Variants in PCDHGA4 observed in about 807,000 individuals in gnomAD.
PCDHGA4 encodes the protein protocadherin gamma-A4.
A neutral mutation model predicts 54.6 loss-of-function variants in PCDHGA4; 38 were observed. That is an observed-to-expected ratio of 0.70 (90% confidence interval 0.54 to 0.91). The LOEUF (loss-of-function observed/expected upper bound fraction) is 0.91, where lower values mean the gene tolerates loss of function less well. PCDHGA4 is among the 40% of genes least tolerant of loss of function. The pLI is 0.00. For missense variants in PCDHGA4, 1,298 were observed against 1,220.9 expected, an observed-to-expected ratio of 1.06 and a Z score of -0.94; for synonymous variants, 511 against 512.9, an observed-to-expected ratio of 1.00 and a Z score of 0.05.
Position 141,490,920 on chromosome 5 carries a change from T to A in PCDHGA4, c.2515-3887T>A. 1.2e-6 allele frequency: 2 copies of A among 1,613,638 alleles called. No homozygotes were observed. The highest frequency in any genetic ancestry group is 1.7e-6 in the Non-Finnish European group (2 of 1,179,684). The stretch of plus-strand genomic sequence containing the variant: ...TGTTTGTCCTAGACGAGAATGATAA[T>A]GCCCCAGCTGTGCTGCACCCACGGC... On this transcript the variant is annotated intron_variant, in intron 1 of 3. Coordinates refer to ENST00000571252, the MANE Select transcript of PCDHGA4 (RefSeq NM_018917.4). This position sits in a 1 kb window ranked among gnomAD's most constrained non-coding sequence, Gnocchi z 5.4.
chr5:141,375,630 C>T (rs1162494057), intron 1 of PCDHGA4: 2 of 1,614,246 alleles, frequency 1.2e-6, no homozygotes, highest in Non-Finnish European at 1.7e-6. Flanking sequence ...ATTCTGTACG[C>T]CCTGCGCTCC....
chr5:141,433,159 T>C, intron 1 of PCDHGA4: 2 of 1,613,968 alleles, frequency 1.2e-6, no homozygotes, highest in Non-Finnish European at 1.7e-6. Flanking sequence ...CGGTATTTTC[T>C]AAAGACAGTC....
chr5:141,438,344 C>A (rs1591501799), intron 1 of PCDHGA4, among the ~76,000 whole-genome samples: 1 of 151,664 alleles, frequency 6.6e-6, no homozygotes, highest in African/African-American at 2.4e-5. Flanking sequence ...ATATAAGGAT[C>A]TACTCTGTGT....
Position 141,432,149 on chromosome 5 carries a change from A to G in PCDHGA4, c.2515-62658A>G. The G allele has an allele frequency of 6.2e-7, 1 of 1,613,964 alleles. No individual in the cohort carries two copies. The highest frequency in any genetic ancestry group is 8.5e-7 in the Non-Finnish European group (1 of 1,179,986). On this transcript the variant is annotated intron_variant, in intron 1 of 3. Transcript: ENST00000571252. This position sits in a 1 kb window ranked among gnomAD's most constrained non-coding sequence, Gnocchi z 6.0. Reference sequence around the variant, plus strand: ...CTCCTATTCCGCTTATATCCCAGAGAACAATCCCAGAGGAGTTTCCCTCGT... The same window carrying G: ...CTCCTATTCCGCTTATATCCCAGAGGACAATCCCAGAGGAGTTTCCCTCGT...
intron 1 of PCDHGA4, among the ~76,000 whole-genome samples, chr5:141,396,827 T>G (rs1339802094): frequency 6.6e-6 from 1 of 152,218 alleles, no homozygotes; most frequent in East Asian, 1.9e-4. Flanking sequence ...TGGTGCATAT[T>G]CAGTGGAGTG....
At chr5:141,388,655 G>A (rs375260597) in intron 1 of PCDHGA4, 1 of 1,613,808 alleles carries the variant, frequency 6.2e-7, no homozygotes, top group Non-Finnish European at 8.5e-7. Flanking sequence ...ACGTGTACCC[G>A]GGGACCACGG....
chr5:141,383,730 G>T (rs781549329), intron 1 of PCDHGA4: 2 of 1,613,866 alleles, frequency 1.2e-6, no homozygotes, highest in Admixed American at 3.3e-5. Context: ...ATGGGGAAGT[G>T]ACATATTCTT....
rs966009387 is a variant in PCDHGA4, at chr5:141,511,564, G to A, written c.*391G>A. The A allele has an allele frequency of 3.0e-5, 9 of 295,900 alleles. No individual in the cohort carries two copies. The highest frequency in any genetic ancestry group is 4.6e-5 in the Non-Finnish European group (7 of 151,798). The allele number at this position is 295,900 out of a possible 1,614,324, so 18.3% of individuals were successfully genotyped here. A position where few individuals can be genotyped will look rare whatever the true frequency, so the allele number is the denominator to read the frequency against. ...CCCACTCCAACAGTTCCTCTTTCCC[G>A]AGTAAGGTGGTTGGGGTGTTGAAGT... On this transcript the variant is annotated 3_prime_UTR_variant, in exon 4 of 4. Transcript: ENST00000571252.
chr5:141,457,429 C>A (rs73280316), intron 1 of PCDHGA4, among the ~76,000 whole-genome samples: 7 of 152,178 alleles, frequency 4.6e-5, no homozygotes, highest in Non-Finnish European at 7.4e-5. Flanking sequence ...TTTTCCCCCC[C>A]ACCAAGCTGC....
At chr5:141,366,062 G>A in intron 1 of PCDHGA4, 5 of 1,614,234 alleles carry the variant, frequency 3.1e-6, no homozygotes, top group Non-Finnish European at 4.2e-6. Context: ...CGTGGAGCTG[G>A]CGCCTCGCTC....
intron 1 of PCDHGA4, among the ~76,000 whole-genome samples, chr5:141,467,359 A>G (rs997614051): frequency 1.3e-5 from 2 of 151,714 alleles, no homozygotes; most frequent in African/African-American, 4.8e-5. Context: ...GGCCAAATCA[A>G]CGTTTTCTTA....
chr5:141,423,131 A>C (rs370773437), intron 1 of PCDHGA4: 1 of 1,613,538 alleles, frequency 6.2e-7, no homozygotes. Flanking sequence ...GCACTGCTGG[A>C]CAGAGACGCG....
In PCDHGA4 at chr5:141,430,592, C is replaced by G; in HGVS notation, c.2515-64215C>G. The G allele has an allele frequency of 9.2e-6, 5 of 544,570 alleles. No individual in the cohort carries two copies. In the South Asian group the frequency reaches 3.1e-4, roughly 34 times the overall value. The allele number at this position is 544,570 out of a possible 1,614,324, so 33.7% of individuals were successfully genotyped here. ...AAGCGGAGATCCTGCTCGCCTTGCACGCGCCTGAAGCACAAAGCAGATAGC... is the reference window on the plus strand; with the variant it reads ...AAGCGGAGATCCTGCTCGCCTTGCAGGCGCCTGAAGCACAAAGCAGATAGC... On this transcript the variant is annotated intron_variant, in intron 1 of 3. Coordinates refer to ENST00000571252, the MANE Select transcript of PCDHGA4 (RefSeq NM_018917.4).
chr5:141,400,650 C>T, intron 1 of PCDHGA4: 13 of 1,174,166 alleles, frequency 1.1e-5, no homozygotes, highest in Non-Finnish European at 1.6e-5. Context: ...AGAAAGCTGT[C>T]CTACCATTCT....
At position 141,379,535 on chromosome 5, in the gene PCDHGA4, G is replaced by A. The variant is rs1035667412; in HGVS notation, c.2514+21914G>A. On this transcript the variant is annotated intron_variant, in intron 1 of 3. Coordinates refer to ENST00000571252, the MANE Select transcript of PCDHGA4 (RefSeq NM_018917.4). ...ACATCTTGAGCATTTGTTGTTATAGGGAAAGCTCACTAACTACTTTTCATG... is the reference window on the plus strand; with the variant it reads ...ACATCTTGAGCATTTGTTGTTATAGAGAAAGCTCACTAACTACTTTTCATG... 103 of 152,098 alleles carry A rather than the reference G, an allele frequency of 6.8e-4. 1 individual carries two copies. Among genetic ancestry groups the A allele is most frequent in the African/African-American group, 2.4e-3 (101 of 41,410 alleles). 9.4% of individuals were successfully genotyped at this position (152,098 alleles called of 1,614,324 possible).
chr5:141,501,453 C>T (rs567794395), intron 2 of PCDHGA4, among the ~76,000 whole-genome samples: 1 of 152,094 alleles, frequency 6.6e-6, no homozygotes, highest in Non-Finnish European at 1.5e-5. Flanking sequence ...TTTTACTTTT[C>T]ACTATTCCCC....
chr5:141,388,326 C>T, intron 1 of PCDHGA4: 1 of 1,613,878 alleles, frequency 6.2e-7, no homozygotes, highest in Non-Finnish European at 8.5e-7. Context: ...GTCTGCACAG[C>T]CTGGCACACG....
At chr5:141,436,425 G>A (rs2097823674) in intron 1 of PCDHGA4, among the ~76,000 whole-genome samples, 2 of 152,268 alleles carry the variant, frequency 1.3e-5, no homozygotes, top group Non-Finnish European at 2.9e-5. Context: ...AACAAATAAT[G>A]TACTCTGGGG....
intron 1 of PCDHGA4, chr5:141,414,109 G>A: frequency 6.3e-7 from 1 of 1,592,288 alleles, no homozygotes; most frequent in Non-Finnish European, 8.6e-7. Context: ...AGAAAATCTA[G>A]ATTATGAAGA....
Sources: gnomAD v4.1 joint callset for allele counts (sites outside exome capture counted in the v4.1 genomes callset) on GRCh38, gnomAD v4.1.1 for gene constraint, Gnocchi (gnomAD v3.1) non-coding constraint, MANE v1.5 for transcripts, NCBI Gene and HGNC (gene_info 2026-07-23, HGNC 2026-07-21) for gene names.